The following TTC28 variants were observed in gnomAD, a reference collection of about 807,000 sequenced individuals.
TTC28 encodes tetratricopeptide repeat protein 28.
In TTC28, 61 loss-of-function variants were observed where a neutral mutation model predicts 198.0. The observed-to-expected ratio is 0.31, with a 90% confidence interval of 0.25 to 0.38. The LOEUF (loss-of-function observed/expected upper bound fraction) is 0.38, where lower values mean the gene tolerates loss of function less well. TTC28 is among the 10% of genes least tolerant of loss of function. The pLI is 1.00. For missense variants in TTC28, 2,678 were observed against 3,164.0 expected (o/e 0.85, Z 3.69); for synonymous variants, 1,171 against 1,297.8 (o/e 0.90, Z 2.10).
intron 6 of TTC28, among the ~76,000 whole-genome samples, chr22:28,131,531 G>A (rs1943060301): frequency 6.6e-6 from 1 of 152,124 alleles, no homozygotes; most frequent in Non-Finnish European, 1.5e-5. Context: ...CATCTCAAGA[G>A]CATATCATAC....
chr22:28,184,687 G>A (rs1161786868), intron 5 of TTC28, among the ~76,000 whole-genome samples: 6 of 151,780 alleles, frequency 4.0e-5, no homozygotes, highest in East Asian at 1.9e-4. Context: ...TGATAGATAC[G>A]ATTTCTAATT....
At chr22:28,409,544 C>T (rs914083891) in intron 2 of TTC28, among the ~76,000 whole-genome samples, 1 of 149,958 alleles carries the variant, frequency 6.7e-6, no homozygotes, top group African/African-American at 2.4e-5. Context: ...ATTATATATA[C>T]ATATGTTATA....
chr22:28,544,766 G>C lies in TTC28; in HGVS notation c.381+84786C>G, dbSNP rs60463879. Among the ~76,000 whole-genome samples, 292 of 152,248 alleles carry C rather than the reference G, an allele frequency of 1.9e-3. 1 individual carries two copies. Among genetic ancestry groups the C allele is most frequent in the African/African-American group, 6.4e-3 (264 of 41,536 alleles). On this transcript the variant is annotated intron_variant, in intron 2 of 22. Transcript: ENST00000397906. The stretch of plus-strand genomic sequence containing the variant: ...ATTACATGCTAATTATCATGCATTA[G>C]CTACTAAAAGACACTCCTACCAGTG...
intron 3 of TTC28, among the ~76,000 whole-genome samples, chr22:28,299,241 G>GT (rs2044964811): frequency 6.8e-6 from 1 of 146,122 alleles, no homozygotes; most frequent in Non-Finnish European, 1.5e-5. Flanking sequence ...CTATGCACAT[G>GT]TAAAAAAAAA....
intron 5 of TTC28, among the ~76,000 whole-genome samples, chr22:28,179,326 AT>A (rs940745443): frequency 1.3e-5 from 2 of 148,802 alleles, no homozygotes; most frequent in African/African-American, 2.5e-5. Context: ...TGCACAGCTA[AT>A]TTTTTTTTTG....
At chr22:28,162,314 T>A (rs990068092) in intron 6 of TTC28, among the ~76,000 whole-genome samples, 1 of 152,234 alleles carries the variant, frequency 6.6e-6, no homozygotes, top group Non-Finnish European at 1.5e-5. Context: ...ACATTAAAAC[T>A]ATTAATATTA....
intron 2 of TTC28, among the ~76,000 whole-genome samples, chr22:28,618,010 C>T (rs1299129849): frequency 2.0e-5 from 3 of 152,186 alleles, no homozygotes; most frequent in East Asian, 3.8e-4. Context: ...TGGTGGCTCA[C>T]GCCTGCAATC....
chr22:28,479,505 T>C (rs2048216015), intron 2 of TTC28, among the ~76,000 whole-genome samples: 1 of 152,200 alleles, frequency 6.6e-6, no homozygotes, highest in Non-Finnish European at 1.5e-5. Flanking sequence ...TGAACCTTAA[T>C]ATGATTTTAC....
At chr22:28,263,793 G>C (rs1257201858) in intron 5 of TTC28, among the ~76,000 whole-genome samples, 1 of 151,766 alleles carries the variant, frequency 6.6e-6, no homozygotes, top group Non-Finnish European at 1.5e-5. Context: ...AAGGAGTAGG[G>C]GGTTAGTCAG....
intron 2 of TTC28, among the ~76,000 whole-genome samples, chr22:28,333,270 AAGGG>A (rs780783352): frequency 7.2e-5 from 11 of 152,218 alleles, no homozygotes; most frequent in Non-Finnish European, 1.3e-4. Flanking sequence ...TAAAAACAAA[AAGGG>A]AGGTTAAGAA....
chr22:28,265,156 T>C (rs1448037958), intron 5 of TTC28, among the ~76,000 whole-genome samples: 2 of 152,210 alleles, frequency 1.3e-5, no homozygotes, highest in Non-Finnish European at 2.9e-5. Context: ...TTTTTATGTG[T>C]TTTGTAAAAT....
chr22:28,014,139 G>A lies in TTC28; in HGVS notation c.4218+109C>T, dbSNP rs1251958957. On this transcript the variant is annotated intron_variant, in intron 14 of 22. Transcript: ENST00000397906. Reference sequence around the variant, plus strand: ...CGGACTTGTGTTCTGGAAAGCCTCCGGTTGTCTCGGGAGCCCATTTTGGTG... The same window carrying A: ...CGGACTTGTGTTCTGGAAAGCCTCCAGTTGTCTCGGGAGCCCATTTTGGTG... 44 of 1,339,678 alleles carry A rather than the reference G, an allele frequency of 3.3e-5. No individual in the cohort carries two copies. In the Middle Eastern group the frequency reaches 5.7e-4, roughly 17 times the overall value. 83.0% of individuals were successfully genotyped at this position (1,339,678 alleles called of 1,614,324 possible).
At chr22:28,061,336 T>C (rs1343989019) in intron 12 of TTC28, among the ~76,000 whole-genome samples, 1 of 152,140 alleles carries the variant, frequency 6.6e-6, no homozygotes, top group South Asian at 2.1e-4. Flanking sequence ...TCTTCTAGGG[T>C]TTTTATGGTT....
chr22:28,636,958 T>C (rs771060398), intron 1 of TTC28, among the ~76,000 whole-genome samples: 14 of 152,006 alleles, frequency 9.2e-5, no homozygotes, highest in Non-Finnish European at 1.5e-4. Context: ...TTAAGAACTT[T>C]TTCCCCCATG....
intron 11 of TTC28, among the ~76,000 whole-genome samples, chr22:28,095,824 AATT>A (rs994309462): frequency 2.0e-5 from 3 of 152,228 alleles, no homozygotes; most frequent in African/African-American, 7.2e-5. Flanking sequence ...AAAGGGTCAC[AATT>A]ATTAAACCAT....
At chr22:28,166,822 C>G in intron 5 of TTC28, among the ~76,000 whole-genome samples, 1 of 152,146 alleles carries the variant, frequency 6.6e-6, no homozygotes, top group East Asian at 1.9e-4. Flanking sequence ...TAACTAAGAT[C>G]AGAGCAGAAC....
chr22:28,485,890 G>T (rs2048309236), intron 2 of TTC28, among the ~76,000 whole-genome samples: 1 of 151,968 alleles, frequency 6.6e-6, no homozygotes, highest in African/African-American at 2.4e-5. Flanking sequence ...CTCAAATGTG[G>T]CTCCAAAATC....
chr22:28,055,910 C>T (rs968496737), intron 12 of TTC28, among the ~76,000 whole-genome samples: 3 of 152,068 alleles, frequency 2.0e-5, no homozygotes, highest in Non-Finnish European at 4.4e-5. Context: ...AGCCTTTTGC[C>T]TGAATTTCTC....
At chr22:28,506,159 C>T (rs983654680) in intron 2 of TTC28, among the ~76,000 whole-genome samples, 1 of 152,162 alleles carries the variant, frequency 6.6e-6, no homozygotes, top group Non-Finnish European at 1.5e-5. Context: ...TGGGACAGAG[C>T]TCCTGTGGGG....
Sources: gnomAD v4.1 joint callset for allele counts (sites outside exome capture counted in the v4.1 genomes callset) on GRCh38, gnomAD v4.1.1 for gene constraint, MANE v1.5 for transcripts, NCBI Gene and HGNC (gene_info 2026-07-23, HGNC 2026-07-21) for gene names.